KDM4B: variants seen among roughly 807,000 people sequenced by gnomAD.
The protein encoded by KDM4B is lysine demethylase 4B.
Under a neutral mutation model 125.2 loss-of-function variants are expected in KDM4B, and 32 were observed. The observed-to-expected ratio is 0.26, with a 90% CI of 0.19 to 0.34. The LOEUF is 0.34. Among genes scored for constraint, KDM4B ranks in the 10% least tolerant of loss-of-function variants. The pLI, the probability that KDM4B is intolerant of heterozygous loss-of-function variation, is 1.00. For synonymous variants in KDM4B, 721 were observed against 677.9 expected (o/e 1.06, Z -0.99); for missense variants, 1,190 against 1,577.7 (o/e 0.75, Z 4.16).
chr19:4,989,426 C>A (rs1204012792), intron 1 of KDM4B, among the ~76,000 whole-genome samples: 2 of 152,076 alleles, frequency 1.3e-5, no homozygotes, highest in African/African-American at 4.8e-5. Flanking sequence ...TAACCTCCGT[C>A]TCCCAGGTTC....
intron 2 of KDM4B, among the ~76,000 whole-genome samples, chr19:5,024,532 G>C (rs1272420790): frequency 6.6e-6 from 1 of 152,080 alleles, no homozygotes; most frequent in Non-Finnish European, 1.5e-5. Flanking sequence ...CAGGACAGCC[G>C]GGGTGGGGCC....
At chr19:4,991,829 A>G (rs1417742643) in intron 1 of KDM4B, among the ~76,000 whole-genome samples, 1 of 152,186 alleles carries the variant, frequency 6.6e-6, no homozygotes, top group Non-Finnish European at 1.5e-5. Flanking sequence ...CCTTTTGAGA[A>G]TGTTATGTAG....
chr19:5,089,354 G>T (rs1176554367), intron 9 of KDM4B, among the ~76,000 whole-genome samples: 1 of 152,226 alleles, frequency 6.6e-6, no homozygotes, highest in Non-Finnish European at 1.5e-5. Flanking sequence ...GTGCATACCG[G>T]TTCCATGTCT....
intron 3 of KDM4B, among the ~76,000 whole-genome samples, chr19:5,033,991 C>T (rs996988654): frequency 2.0e-5 from 3 of 151,984 alleles, no homozygotes; most frequent in Non-Finnish European, 4.4e-5. Flanking sequence ...ATGAGCCAGG[C>T]GTGGTGTTGG....
chr19:4,996,197 C>T (rs1203016808), intron 1 of KDM4B, among the ~76,000 whole-genome samples: 1 of 152,112 alleles, frequency 6.6e-6, no homozygotes, highest in African/African-American at 2.4e-5. Flanking sequence ...TCCATGTTGG[C>T]CAGGCTGGTC....
In KDM4B at chr19:4,969,198, T is replaced by G. The variant is rs1254988992; in HGVS notation, c.-141T>G. 6.7e-6 allele frequency: 1 copy of G among 149,200 alleles called. No individual in the cohort carries two copies. The highest frequency in any genetic ancestry group is 1.5e-5 in the Non-Finnish European group (1 of 67,130). 9.2% of individuals were successfully genotyped at this position (149,200 alleles called of 1,614,324 possible). On this transcript the variant is annotated 5_prime_UTR_variant, in exon 1 of 23. Coordinates refer to ENST00000159111, the MANE Select transcript of KDM4B (RefSeq NM_015015.3). ...CCGAGGGCGGGGGAGAGCGCGCCGC[T>G]GCTCCCGGACCGGGCCGCGCACGCC...
In KDM4B at chr19:5,131,482, G is replaced by A. The variant is rs781531402; in HGVS notation, c.1722G>A (p.Glu574=). 5.0e-6 allele frequency: 8 copies of A among 1,601,420 alleles called. No homozygotes were observed. Among genetic ancestry groups the A allele is most frequent in the Middle Eastern group, 1.6e-4 (1 of 6,080 alleles). The change falls in exon 12 of 23, where the codon GAG becomes GAA. Residue 574 remains glutamate (E), a synonymous_variant. Transcript: ENST00000159111. The part of the protein sequence containing the change: ...PVSPMELTGP[E]DGAASSGAGR... The stretch of plus-strand genomic sequence containing the variant: ...CCCCCATGGAGCTGACGGGGCCAGA[G>A]GACGGTGCAGCCAGCAGTGGGGCAG...
chr19:4,989,255 G>T (rs527393516), intron 1 of KDM4B, among the ~76,000 whole-genome samples: 54 of 152,336 alleles, frequency 3.5e-4, no homozygotes, highest in Middle Eastern at 3.4e-3. Flanking sequence ...GGGCAGGGGG[G>T]CCGTGTTCAC....
chr19:5,119,211 G>T (rs1371696756), intron 10 of KDM4B: 1 of 1,532,080 alleles, frequency 6.5e-7, no homozygotes. Context: ...CCAAAAGGCC[G>T]GGGCTGTCGT....
intron 9 of KDM4B, among the ~76,000 whole-genome samples, chr19:5,098,346 C>T (rs1261921425): frequency 2.0e-5 from 3 of 152,174 alleles, no homozygotes; most frequent in Admixed American, 2.0e-4. Context: ...TGCATGGGAT[C>T]GTTATGGCTC....
At chr19:5,092,762 G>A (rs2145922140) in intron 9 of KDM4B, among the ~76,000 whole-genome samples, 1 of 152,274 alleles carries the variant, frequency 6.6e-6, no homozygotes, top group South Asian at 2.1e-4. Flanking sequence ...TCAGAGGAGG[G>A]GGCTCGCAGG....
At chr19:5,147,236 A>G (rs751397167) in intron 21 of KDM4B, among the ~76,000 whole-genome samples, 1 of 152,216 alleles carries the variant, frequency 6.6e-6, no homozygotes, top group Non-Finnish European at 1.5e-5. Flanking sequence ...ATAAATAGCC[A>G]TTTATAACGT....
In KDM4B at chr19:4,971,788, G is replaced by T. The variant is rs2034267138; in HGVS notation, c.-109+2558G>T. On this transcript the variant is annotated intron_variant, in intron 1 of 22. Transcript: ENST00000159111. The surrounding 1 kb of genome is among the most constrained non-coding windows in gnomAD (Gnocchi z 4.1). ...TTGAGGGCCTGAGGTGCATTTGTAG[G>T]TGGCTTTGTTCCCTGGATCGGGGAG... Among the ~76,000 whole-genome samples the T allele has an allele frequency of 6.6e-6, 1 of 152,202 alleles. No individual in the cohort carries two copies. Among genetic ancestry groups the T allele is most frequent in the African/African-American group, 2.4e-5 (1 of 41,430 alleles).
At chr19:5,013,920 C>T (rs1047928058) in intron 1 of KDM4B, among the ~76,000 whole-genome samples, 8 of 152,136 alleles carry the variant, frequency 5.3e-5, no homozygotes, top group South Asian at 2.1e-4. Flanking sequence ...TGGGAGAGGT[C>T]GTGAAGCCCT....
intron 9 of KDM4B, among the ~76,000 whole-genome samples, chr19:5,103,522 C>A (rs1245972953): frequency 1.3e-5 from 2 of 152,184 alleles, no homozygotes; most frequent in Non-Finnish European, 2.9e-5. Context: ...GCACTGCTTC[C>A]AGCTCTTTGG....
Position 5,122,018 on chromosome 19 carries a change from G to A in KDM4B, c.1315+2166G>A, listed in dbSNP as rs2039370469. 2.0e-5 allele frequency among the ~76,000 whole-genome samples: 3 copies of A among 152,138 alleles called. No homozygotes were observed. The South Asian group carries it at 6.2e-4, about 31-fold the overall frequency. ...CGCTGCGGCCTCTGTGAGTGCCCTG[G>A]GGCCGCTGAAATGAAGGACCATGAC... On this transcript the variant is annotated intron_variant, in intron 11 of 22. Transcript: ENST00000159111.
At chr19:5,072,757 C>T (rs149565311) in intron 7 of KDM4B, among the ~76,000 whole-genome samples, 1 of 152,224 alleles carries the variant, frequency 6.6e-6, no homozygotes. Context: ...TTCTGGAGGT[C>T]AGGAGTCTAA....
intron 2 of KDM4B, among the ~76,000 whole-genome samples, chr19:5,019,331 C>T (rs1250707192): frequency 6.3e-5 from 6 of 95,870 alleles, no homozygotes; most frequent in Non-Finnish European, 4.1e-5. Context: ...CGTTGGCGTG[C>T]AGGTGTTGGT....
intron 12 of KDM4B, 115 bp downstream of exon 12, chr19:5,131,660 G>GGGCCGGTGGGGTGGGGC: frequency 1.4e-5 from 9 of 627,296 alleles, no homozygotes; most frequent in African/African-American, 5.7e-5. Flanking sequence ...GGGAGGAGGG[G>GGGCCGGTGGGGTGGGGC]ACAGGAGGGC....
Sources: gnomAD v4.1 joint callset for allele counts (sites outside exome capture counted in the v4.1 genomes callset) on GRCh38, gnomAD v4.1.1 for gene constraint, Gnocchi (gnomAD v3.1) non-coding constraint, MANE v1.5 for transcripts, NCBI Gene and HGNC (gene_info 2026-07-23, HGNC 2026-07-21) for gene names.